Variants in KIF13A observed in about 807,000 individuals in gnomAD.
KIF13A encodes the protein kinesin-like protein KIF13A.
In KIF13A, 79 loss-of-function variants were observed where a neutral mutation model predicts 212.2. The observed-to-expected ratio is 0.37, with a 90% CI of 0.31 to 0.45. The LOEUF is 0.45. Ranked by LOEUF, KIF13A falls within the 20% of genes least tolerant of loss-of-function variation. The probability of loss-of-function intolerance (pLI) is 1.00; values close to 1 mark genes in which losing one functional copy is unlikely to be tolerated. For missense variants in KIF13A, 1,901 were observed against 2,209.0 expected (o/e 0.86, Z 2.79); for synonymous variants, 789 against 808.6 (o/e 0.98, Z 0.41).
rs557131003 is a variant in KIF13A, at chr6:17,823,000, A to T, written c.1786+2768T>A. On this transcript the variant is annotated intron_variant, in intron 16 of 38. Transcript: ENST00000259711. ...CAGAAATTGCCAAACTTTCTCATAA[A>T]GTTGTTTTTTCCTACTTTTTTCTTC... Among the ~76,000 whole-genome samples the T allele has an allele frequency of 1.7e-4, 26 of 151,566 alleles. No individual in the cohort carries two copies. In the South Asian group the frequency reaches 5.2e-3, roughly 30 times the overall value.
chr6:17,846,043 T>TAA (rs1767010937), intron 9 of KIF13A, among the ~76,000 whole-genome samples: 2 of 131,992 alleles, frequency 1.5e-5, no homozygotes, highest in African/African-American at 6.8e-5. Context: ...AACTCAACCT[T>TAA]TTTTTTTTTT....
chr6:17,922,186 C>T (rs550431081), intron 2 of KIF13A, among the ~76,000 whole-genome samples: 41 of 152,304 alleles, frequency 2.7e-4, no homozygotes, highest in Admixed American at 9.8e-4. Context: ...CAACAGCTAA[C>T]AGCCCCTGCA....
At chr6:17,836,281 C>G (rs1030542478) in intron 11 of KIF13A, among the ~76,000 whole-genome samples, 1 of 152,168 alleles carries the variant, frequency 6.6e-6, no homozygotes, top group Non-Finnish European at 1.5e-5. Flanking sequence ...TAACACCTAA[C>G]TAAATTCTCT....
intron 16 of KIF13A, among the ~76,000 whole-genome samples, chr6:17,820,800 A>T (rs1764362974): frequency 6.6e-6 from 1 of 152,222 alleles, no homozygotes; most frequent in South Asian, 2.1e-4. Flanking sequence ...CAATGAGCTC[A>T]AACCGACCCA....
intron 2 of KIF13A, among the ~76,000 whole-genome samples, chr6:17,962,627 T>C (rs60064752): frequency 0.096 from 14,650 of 152,208 alleles, 887 homozygotes; most frequent in African/African-American, 0.17. Context: ...GTGGGGGCTG[T>C]GTGCAAGTAA....
At chr6:17,983,480 T>C (rs1185273033) in intron 2 of KIF13A, among the ~76,000 whole-genome samples, 2 of 136,206 alleles carry the variant, frequency 1.5e-5, no homozygotes, top group African/African-American at 2.9e-5. Context: ...CCCAAAACTG[T>C]CTTGCTGCTG....
intron 2 of KIF13A, among the ~76,000 whole-genome samples, chr6:17,913,278 G>A (rs952230797): frequency 2.0e-5 from 3 of 152,098 alleles, no homozygotes; most frequent in Admixed American, 6.6e-5. Flanking sequence ...ACATTCTATG[G>A]GTTTGGGAAA....
At chr6:17,796,006 G>A (rs1762000256) in intron 23 of KIF13A, among the ~76,000 whole-genome samples, 1 of 152,150 alleles carries the variant, frequency 6.6e-6, no homozygotes, top group Non-Finnish European at 1.5e-5. Flanking sequence ...TCCACATAGA[G>A]ATGTAGTTGT....
At chr6:17,851,790 T>C (rs927033846) in intron 7 of KIF13A, among the ~76,000 whole-genome samples, 165 bp downstream of exon 7, 1 of 152,256 alleles carries the variant, frequency 6.6e-6, no homozygotes, top group African/African-American at 2.4e-5. Flanking sequence ...AAGAGTGTGA[T>C]TAAAAGCCCT....
chr6:17,933,293 CT>C (rs1187348429), intron 2 of KIF13A, among the ~76,000 whole-genome samples: 1 of 152,054 alleles, frequency 6.6e-6, no homozygotes, highest in Non-Finnish European at 1.5e-5. Context: ...CCAACTGCAT[CT>C]TTCTTTGTTA....
At chr6:17,770,119 G>A (rs1759359241) in intron 38 of KIF13A, among the ~76,000 whole-genome samples, 1 of 152,160 alleles carries the variant, frequency 6.6e-6, no homozygotes, top group African/African-American at 2.4e-5. Context: ...CACAGTGTGC[G>A]TTAGGAACTG....
Position 17,831,366 on chromosome 6 carries a change from C to T in KIF13A, c.1267-131G>A, listed in dbSNP as rs1482075540. 9.0e-6 allele frequency: 9 copies of T among 1,002,130 alleles called. No homozygotes were observed. The East Asian group carries it at 1.7e-4, about 19-fold the overall frequency. The allele number at this position is 1,002,130 out of a possible 1,614,324, so 62.1% of individuals were successfully genotyped here. On this transcript the variant is annotated intron_variant, in intron 12 of 38. Coordinates refer to ENST00000259711, the MANE Select transcript of KIF13A (RefSeq NM_022113.6). The stretch of plus-strand genomic sequence containing the variant: ...GATTACACATGCTACTCTGCTCAAC[C>T]ACATTAACAGAGAGTCTACAGTGCA...
In KIF13A at chr6:17,961,871, T is replaced by C. The variant is rs1287672609; in HGVS notation, c.146+25183A>G. ...TTCCTCTGTATTCTAGGGTGCTTAG[T>C]GTTTGGTTGGCAACATTGTCTATTT... On this transcript the variant is annotated intron_variant, in intron 2 of 38. Coordinates refer to ENST00000259711, the MANE Select transcript of KIF13A (RefSeq NM_022113.6). This position sits in a 1 kb window ranked among gnomAD's most constrained non-coding sequence, Gnocchi z 4.1. 1.3e-5 allele frequency among the ~76,000 whole-genome samples: 2 copies of C among 152,220 alleles called. No homozygotes were observed. Among genetic ancestry groups the C allele is most frequent in the East Asian group, 1.9e-4 (1 of 5,192 alleles).
rs763085042 is a variant in KIF13A at position 17,850,463 on chromosome 6, G to C, written c.583-6C>G. ...GACATCAATGACTCAATATCCTAGG[G>C]GCAAAGCATAAGGAAAAGACCATAA... On this transcript the variant is annotated splice_polypyrimidine_tract_variant and splice_region_variant and intron_variant, in intron 7 of 38. Transcript: ENST00000259711. The surrounding 1 kb of genome is among the most constrained non-coding windows in gnomAD (Gnocchi z 6.2). 1.9e-5 allele frequency: 31 copies of C among 1,609,736 alleles called. No homozygotes were observed. The highest frequency in any genetic ancestry group is 2.5e-5 in the Non-Finnish European group (29 of 1,177,876).
intron 20 of KIF13A, among the ~76,000 whole-genome samples, chr6:17,802,509 C>G (rs1022558868): frequency 6.6e-6 from 1 of 151,866 alleles, no homozygotes; most frequent in South Asian, 2.1e-4. Flanking sequence ...AGGCTGGTCT[C>G]GAACACCGGA....
chr6:17,947,318 C>T lies in KIF13A; in HGVS notation c.146+39736G>A, dbSNP rs1351748318. Among the ~76,000 whole-genome samples, 3 of 152,048 alleles carry T rather than the reference C, an allele frequency of 2.0e-5. No individual in the cohort carries two copies. The East Asian group carries it at 5.8e-4, about 29-fold the overall frequency. On this transcript the variant is annotated intron_variant, in intron 2 of 38. Transcript: ENST00000259711. The surrounding 1 kb of genome is among the most constrained non-coding windows in gnomAD (Gnocchi z 4.6). ...TGAAACCAAATATATAAGTTATATACTTCTTTATTATACATGCAATGAATT... is the reference window on the plus strand; with the variant it reads ...TGAAACCAAATATATAAGTTATATATTTCTTTATTATACATGCAATGAATT...
chr6:17,976,600 G>A (rs999244695), intron 2 of KIF13A, among the ~76,000 whole-genome samples: 23 of 152,242 alleles, frequency 1.5e-4, no homozygotes, highest in South Asian at 4.1e-4. Flanking sequence ...TGAGGGAGCC[G>A]GCTCTGGCCT....
chr6:17,958,870 C>CTTT (rs1561805769), intron 2 of KIF13A, among the ~76,000 whole-genome samples: 1 of 102,628 alleles, frequency 9.7e-6, no homozygotes, highest in African/African-American at 4.2e-5. Flanking sequence ...GTGTCTTTTT[C>CTTT]TTTTTCTTTT....
At chr6:17,974,761 T>C (rs1305722426) in intron 2 of KIF13A, among the ~76,000 whole-genome samples, 1 of 152,210 alleles carries the variant, frequency 6.6e-6, no homozygotes, top group East Asian at 1.9e-4. Context: ...CCCAGGAAAT[T>C]CTGTGGTGCA....
Sources: allele counts gnomAD v4.1 joint callset (sites outside exome capture counted in the v4.1 genomes callset), GRCh38; gene constraint gnomAD v4.1.1; non-coding constraint Gnocchi (gnomAD v3.1); transcripts MANE v1.5; gene names NCBI Gene and HGNC (gene_info 2026-07-23, HGNC 2026-07-21).